The following UGT1A9 variants were observed in gnomAD, a reference collection of about 807,000 sequenced individuals.
UGT1A9 encodes UDP glucuronosyltransferase family 1 member A9, also known as UDP-glucuronosyltransferase 1A9.
A neutral mutation model predicts 45.0 loss-of-function variants in UGT1A9; 35 were observed. That is an observed-to-expected ratio of 0.78 (90% CI 0.59 to 1.03). The LOEUF is 1.03. UGT1A9 is among the 50% of genes least tolerant of loss of function. The probability of loss-of-function intolerance (pLI) is 0.00; values close to 1 mark genes in which losing one functional copy is unlikely to be tolerated. For missense variants in UGT1A9, 687 were observed against 666.6 expected, an observed-to-expected ratio of 1.03 and a Z score of -0.34; for synonymous variants, 278 against 250.6, an observed-to-expected ratio of 1.11 and a Z score of -1.03.
intron 1 of UGT1A9, among the ~76,000 whole-genome samples, chr2:233,732,478 A>G (rs60103279): frequency 0.034 from 5,126 of 152,332 alleles, 101 homozygotes; most frequent in African/African-American, 0.051. Flanking sequence ...TCTGGAATTA[A>G]TTTTTGTATA....
At chr2:233,752,742 C>T (rs1695047003) in intron 1 of UGT1A9, among the ~76,000 whole-genome samples, 1 of 152,068 alleles carries the variant, frequency 6.6e-6, no homozygotes, top group South Asian at 2.1e-4. Flanking sequence ...GAGACCCTGT[C>T]TCTAAAACAA....
intron 1 of UGT1A9, among the ~76,000 whole-genome samples, chr2:233,758,056 A>C (rs1696785048): frequency 6.6e-6 from 1 of 152,062 alleles, no homozygotes; most frequent in Non-Finnish European, 1.5e-5. Context: ...GACCATTTCT[A>C]ACTTGACTTT....
Position 233,713,133 on chromosome 2 carries a change from T to G in UGT1A9, c.855+40344T>G, listed in dbSNP as rs775185611. On this transcript the variant is annotated intron_variant, in intron 1 of 4. Coordinates refer to ENST00000354728, the MANE Select transcript of UGT1A9 (RefSeq NM_021027.3). ...CCACTGGCTCAGCATGCGGGAGGCCTTGCGGGACCTCCATGCGAGAGGCCA... is the reference window on the plus strand; with the variant it reads ...CCACTGGCTCAGCATGCGGGAGGCCGTGCGGGACCTCCATGCGAGAGGCCA... 1.1e-5 allele frequency: 17 copies of G among 1,614,082 alleles called. No individual in the cohort carries two copies. In the South Asian group the frequency reaches 1.3e-4, roughly 13 times the overall value.
intron 1 of UGT1A9, among the ~76,000 whole-genome samples, chr2:233,765,988 G>A (rs909645564): frequency 6.6e-6 from 1 of 152,138 alleles, no homozygotes; most frequent in Non-Finnish European, 1.5e-5. Flanking sequence ...AGCTCCTGAA[G>A]CTCCAGTGGG....
intron 1 of UGT1A9, among the ~76,000 whole-genome samples, chr2:233,765,026 C>T (rs2741015): frequency 2.6e-5 from 4 of 151,980 alleles, no homozygotes; most frequent in Admixed American, 2.0e-4. Context: ...TGGCAGGAGT[C>T]CTGCTGTGCA....
At chr2:233,738,731 C>T (rs1205988900) in intron 1 of UGT1A9, among the ~76,000 whole-genome samples, 1 of 152,174 alleles carries the variant, frequency 6.6e-6, no homozygotes. Context: ...GGAAAATTTG[C>T]AGCCTGACCA....
At chr2:233,676,636 C>CT (rs1306474758) in intron 1 of UGT1A9, among the ~76,000 whole-genome samples, 2 of 152,186 alleles carry the variant, frequency 1.3e-5, no homozygotes, top group African/African-American at 2.4e-5. Flanking sequence ...TTCTCAGACT[C>CT]TCCTTGTTTT....
chr2:233,692,825 T>A, intron 1 of UGT1A9: 1 of 1,437,362 alleles, frequency 7.0e-7, no homozygotes, highest in South Asian at 1.5e-5. Flanking sequence ...ATTAACCATG[T>A]GATTAAAATG....
At chr2:233,750,510 T>C (rs565350753) in intron 1 of UGT1A9, 3 of 152,104 alleles carry the variant, frequency 2.0e-5, no homozygotes, top group South Asian at 4.1e-4. Flanking sequence ...AAATGTTAAT[T>C]GCCAAGACAA....
intron 4 of UGT1A9, chr2:233,771,715 T>C (rs1700358256): frequency 6.5e-6 from 1 of 152,904 alleles, no homozygotes; most frequent in African/African-American, 2.4e-5. Flanking sequence ...AAGGTTAAAA[T>C]ATTTCTAAAA....
At chr2:233,731,532 G>A (rs1386251909) in intron 1 of UGT1A9, among the ~76,000 whole-genome samples, 1 of 152,172 alleles carries the variant, frequency 6.6e-6, no homozygotes, top group Non-Finnish European at 1.5e-5. Context: ...AGAACATGCG[G>A]TGTTTGGTTT....
At chr2:233,743,583 A>C (rs1360653487) in intron 1 of UGT1A9, 5 of 1,367,304 alleles carry the variant, frequency 3.7e-6, no homozygotes, top group Non-Finnish European at 4.9e-6. Context: ...AAGAGGTCAA[A>C]GGAGAATGGG....
intron 1 of UGT1A9, among the ~76,000 whole-genome samples, chr2:233,710,321 A>G (rs944922303): frequency 1.3e-5 from 2 of 152,202 alleles, no homozygotes; most frequent in African/African-American, 4.8e-5. Context: ...TGTATGTATG[A>G]CTTCATAAGA....
chr2:233,671,962 C>A lies in UGT1A9; in HGVS notation c.28C>A (p.Leu10Ile), dbSNP rs1413995166. 3 of 1,613,690 alleles carry A rather than the reference C, an allele frequency of 1.9e-6. No individual in the cohort carries two copies. Among genetic ancestry groups the A allele is most frequent in the East Asian group, 4.5e-5 (2 of 44,884 alleles). ...GGCTTGCACAGGGTGGACCAGCCCC[C>A]TTCCTCTATGTGTGTGTCTGCTGCT... is the stretch of plus-strand genomic sequence containing the variant. MACTGWTSP[L>I]PLCVCLLLTC... The change falls in exon 1 of 5, where the codon CTT (leucine) becomes ATT (isoleucine). Residue 10 changes from leucine (L) to isoleucine (I), a missense_variant. By Grantham distance (5) the Leu-to-Ile change is conservative. Coordinates refer to ENST00000354728, the MANE Select transcript of UGT1A9 (RefSeq NM_021027.3).
At chr2:233,703,835 C>A (rs2075754934) in intron 1 of UGT1A9, among the ~76,000 whole-genome samples, 1 of 151,934 alleles carries the variant, frequency 6.6e-6, no homozygotes, top group Admixed American at 6.6e-5. Context: ...TTGTTTAATC[C>A]ATTCACATTT....
At chr2:233,693,535 C>T in intron 1 of UGT1A9, 1 of 1,614,120 alleles carries the variant, frequency 6.2e-7, no homozygotes, top group Non-Finnish European at 8.5e-7. Flanking sequence ...TTCCGTGTTC[C>T]CTGGAGCATA....
At chr2:233,754,544 A>G in intron 1 of UGT1A9, 1 of 379,568 alleles carries the variant, frequency 2.6e-6, no homozygotes, top group Non-Finnish European at 5.2e-6. Context: ...GACTGGAATT[A>G]CTTGGTGTCA....
rs146704558 is a variant in UGT1A9 at position 233,766,504 on chromosome 2, T to C, written c.856-530T>C. On this transcript the variant is annotated intron_variant, in intron 1 of 4. Transcript: ENST00000354728. ...ATGGGGGCGTGGCAGGCCAGGGTGGTTTTGGGAAATGAAACATTTAGGCAG... is the reference window on the plus strand; with the variant it reads ...ATGGGGGCGTGGCAGGCCAGGGTGGCTTTGGGAAATGAAACATTTAGGCAG... Among the ~76,000 whole-genome samples the C allele has an allele frequency of 2.3e-3, 343 of 152,096 alleles. 3 individuals are homozygous for C. The highest frequency in any genetic ancestry group is 7.9e-3 in the African/African-American group (327 of 41,494).
intron 1 of UGT1A9, among the ~76,000 whole-genome samples, chr2:233,749,910 CTG>C: frequency 6.6e-6 from 1 of 152,052 alleles, no homozygotes; most frequent in Non-Finnish European, 1.5e-5. Context: ...CCACCTGGAA[CTG>C]TGAGTCAATT....
Sources: allele counts gnomAD v4.1 joint callset (sites outside exome capture counted in the v4.1 genomes callset), GRCh38; gene constraint gnomAD v4.1.1; transcripts MANE v1.5; gene names NCBI Gene and HGNC (gene_info 2026-07-23, HGNC 2026-07-21).